The following SLC44A5 variants were observed in gnomAD, a reference collection of about 807,000 sequenced individuals.
The protein encoded by SLC44A5 is choline transporter-like protein 5.
In SLC44A5, 57 loss-of-function variants were observed where a neutral mutation model predicts 101.8. That is an observed-to-expected ratio of 0.56 (90% CI 0.45 to 0.70). SLC44A5 has a LOEUF of 0.70. Among genes scored for constraint, SLC44A5 ranks in the 30% least tolerant of loss-of-function variants. SLC44A5 has a pLI of 0.00. For missense variants in SLC44A5, 737 were observed against 853.1 expected (o/e 0.86, Z 1.70); for synonymous variants, 281 against 290.9 (o/e 0.97, Z 0.35).
At chr1:75,375,856 G>A (rs1284086373) in intron 3 of SLC44A5, among the ~76,000 whole-genome samples, 1 of 152,218 alleles carries the variant, frequency 6.6e-6, no homozygotes, top group African/African-American at 2.4e-5. Context: ...AATAGGAACA[G>A]CTCCTGTCTA....
intron 2 of SLC44A5, among the ~76,000 whole-genome samples, chr1:75,441,282 C>T (rs1416421220): frequency 2.6e-5 from 4 of 152,072 alleles, no homozygotes; most frequent in South Asian, 2.1e-4. Flanking sequence ...ATTTATGCAA[C>T]ATATTCAGCA....
At chr1:75,650,239 A>G in the SLC44A5 span, among the ~76,000 whole-genome samples, 1 of 152,156 alleles carries the variant, frequency 6.6e-6, no homozygotes, top group Admixed American at 6.5e-5. Flanking sequence ...CTCTTTTTCT[A>G]AACATCATCT....
chr1:75,587,797 A>C (rs1045251629), intron 1 of SLC44A5, among the ~76,000 whole-genome samples: 1 of 152,064 alleles, frequency 6.6e-6, no homozygotes, highest in Admixed American at 6.6e-5. Flanking sequence ...TTTCCTTTTC[A>C]GTTGGGCCCT....
chr1:75,335,918 T>C (rs946861955), intron 4 of SLC44A5, among the ~76,000 whole-genome samples: 5 of 152,176 alleles, frequency 3.3e-5, no homozygotes, highest in Admixed American at 2.0e-4. Context: ...CAGCAGCCTT[T>C]GCTGTGGACC....
chr1:75,683,949 G>T, the SLC44A5 span, among the ~76,000 whole-genome samples: 5 of 152,102 alleles, frequency 3.3e-5, no homozygotes, highest in African/African-American at 1.2e-4. Flanking sequence ...TGATGTATTA[G>T]TTCGTTTTCA....
chr1:75,679,866 C>A, the SLC44A5 span, among the ~76,000 whole-genome samples: 2 of 151,948 alleles, frequency 1.3e-5, no homozygotes, highest in African/African-American at 4.8e-5. Flanking sequence ...TTCAGGAAAC[C>A]CATCTCACGT....
At chr1:75,700,921 T>C in the SLC44A5 span, among the ~76,000 whole-genome samples, 1 of 152,132 alleles carries the variant, frequency 6.6e-6, no homozygotes, top group Non-Finnish European at 1.5e-5. Flanking sequence ...AATAGATAAA[T>C]TCCTGGAGAC....
chr1:75,433,275 T>C (rs930826688), intron 2 of SLC44A5, among the ~76,000 whole-genome samples: 1 of 152,120 alleles, frequency 6.6e-6, no homozygotes, highest in African/African-American at 2.4e-5. Context: ...CTGCAATAGA[T>C]AGAAACTACT....
At chr1:75,286,996 G>A (rs1653105644) in intron 5 of SLC44A5, among the ~76,000 whole-genome samples, 1 of 152,092 alleles carries the variant, frequency 6.6e-6, no homozygotes, top group Admixed American at 6.6e-5. Context: ...TCTCTAGCAA[G>A]GGCAGGGAAG....
chr1:75,216,217 A>G (rs960559244), intron 18 of SLC44A5, among the ~76,000 whole-genome samples: 1 of 151,984 alleles, frequency 6.6e-6, no homozygotes, highest in Non-Finnish European at 1.5e-5. Flanking sequence ...GGAATCATAC[A>G]ATATTTACCC....
chr1:75,539,795 A>C (rs1671254010), intron 2 of SLC44A5, among the ~76,000 whole-genome samples: 1 of 152,230 alleles, frequency 6.6e-6, no homozygotes, highest in African/African-American at 2.4e-5. Context: ...ATGTTTAAAA[A>C]GTAGACGTCA....
At chr1:75,657,935 T>C in the SLC44A5 span, among the ~76,000 whole-genome samples, 1 of 151,936 alleles carries the variant, frequency 6.6e-6, no homozygotes, top group African/African-American at 2.4e-5. Flanking sequence ...AGAATTAAGC[T>C]ACAGTCTAGA....
intron 1 of SLC44A5, among the ~76,000 whole-genome samples, chr1:75,609,247 T>C (rs954640737): frequency 2.6e-5 from 4 of 151,932 alleles, no homozygotes; most frequent in Non-Finnish European, 5.9e-5. Flanking sequence ...TAAGGAGGAA[T>C]AGATAAATAC....
intron 2 of SLC44A5, among the ~76,000 whole-genome samples, chr1:75,539,343 T>C (rs1570565426): frequency 6.6e-6 from 1 of 151,268 alleles, no homozygotes; most frequent in Middle Eastern, 3.4e-3. Flanking sequence ...GAGGTCACTG[T>C]TCTCAATGTG....
the SLC44A5 span, among the ~76,000 whole-genome samples, chr1:75,628,154 T>C: frequency 6.6e-6 from 1 of 151,914 alleles, no homozygotes; most frequent in Admixed American, 6.6e-5. Context: ...AGATTCTAAT[T>C]ACCAAATTCA....
chr1:75,282,968 C>A (rs138512695), intron 5 of SLC44A5, among the ~76,000 whole-genome samples: 1 of 152,096 alleles, frequency 6.6e-6, no homozygotes, highest in Non-Finnish European at 1.5e-5. Flanking sequence ...GGTAAACATG[C>A]GTGTGCAAGT....
intron 13 of SLC44A5, among the ~76,000 whole-genome samples, chr1:75,224,010 C>T (rs750165232): frequency 2.6e-5 from 4 of 152,148 alleles, no homozygotes; most frequent in Non-Finnish European, 5.9e-5. Flanking sequence ...TATAAAATTG[C>T]ACCCTCAAAA....
the SLC44A5 span, chr1:75,641,758 C>G: frequency 1.9e-6 from 3 of 1,579,702 alleles, no homozygotes; most frequent in Admixed American, 1.7e-5. Context: ...CATAGGCAAC[C>G]ACTTTGTCCA....
intron 14 of SLC44A5, among the ~76,000 whole-genome samples, chr1:75,221,501 G>A (rs1570393708): frequency 6.6e-6 from 1 of 152,116 alleles, no homozygotes; most frequent in African/African-American, 2.4e-5. Context: ...TTGGTATAAA[G>A]TGTTCCTAAA....
Sources: allele counts gnomAD v4.1 joint callset (sites outside exome capture counted in the v4.1 genomes callset), GRCh38; gene constraint gnomAD v4.1.1; transcripts MANE v1.5; gene names NCBI Gene and HGNC (gene_info 2026-07-23, HGNC 2026-07-21).